The following MEF2A variants were observed in gnomAD, a reference collection of about 807,000 sequenced individuals.
The protein encoded by MEF2A is myocyte-specific enhancer factor 2A.
A neutral mutation model predicts 55.8 loss-of-function variants in MEF2A; 28 were observed. The observed-to-expected ratio is 0.50, with a 90% confidence interval of 0.37 to 0.69. MEF2A has a LOEUF of 0.69. Ranked by LOEUF, MEF2A falls within the 30% of genes least tolerant of loss-of-function variation. The pLI is 0.00. For synonymous variants in MEF2A, 239 were observed against 227.1 expected, an observed-to-expected ratio of 1.05 and a Z score of -0.47; for missense variants, 528 against 626.2, an observed-to-expected ratio of 0.84 and a Z score of 1.67.
intron 3 of MEF2A, among the ~76,000 whole-genome samples, chr15:99,641,386 C>T (rs1212444274): frequency 2.0e-5 from 3 of 151,992 alleles, no homozygotes; most frequent in African/African-American, 7.3e-5. Context: ...TTCCAGGCAG[C>T]GGAGGTGAGA....
At chr15:99,619,329 C>T (rs1164446051) in intron 2 of MEF2A, among the ~76,000 whole-genome samples, 1 of 152,176 alleles carries the variant, frequency 6.6e-6, no homozygotes, top group Non-Finnish European at 1.5e-5. Context: ...ATGAAGGCAG[C>T]AGAATACAGC....
chr15:99,579,470 G>A (rs1318470462), intron 1 of MEF2A, among the ~76,000 whole-genome samples: 1 of 151,900 alleles, frequency 6.6e-6, no homozygotes, highest in East Asian at 1.9e-4. Context: ...TCTCAGCTCA[G>A]TGCAACCTCT....
chr15:99,664,659 A>G (rs939920331), intron 4 of MEF2A, among the ~76,000 whole-genome samples: 1 of 152,214 alleles, frequency 6.6e-6, no homozygotes, highest in Admixed American at 6.5e-5. Flanking sequence ...TTGGTATTCC[A>G]TGTGAATGTA....
At chr15:99,637,182 C>T (rs1244338396) in intron 3 of MEF2A, among the ~76,000 whole-genome samples, 2 of 150,500 alleles carry the variant, frequency 1.3e-5, no homozygotes, top group Non-Finnish European at 2.9e-5. Flanking sequence ...CCAAATGAAA[C>T]CAAGTGTCAT....
At chr15:99,654,479 AC>A (rs2047357274) in intron 4 of MEF2A, among the ~76,000 whole-genome samples, 1 of 151,826 alleles carries the variant, frequency 6.6e-6, no homozygotes, top group Non-Finnish European at 1.5e-5. Context: ...GCAACAGAAG[AC>A]CTCACTGAAA....
At chr15:99,707,287 C>A (rs928921301) in intron 10 of MEF2A, among the ~76,000 whole-genome samples, 3 of 152,102 alleles carry the variant, frequency 2.0e-5, no homozygotes, top group African/African-American at 7.2e-5. Flanking sequence ...TCCCTTTGGA[C>A]CTGAGACTTC....
intron 3 of MEF2A, among the ~76,000 whole-genome samples, chr15:99,635,487 A>C (rs142528135): frequency 1.3e-5 from 2 of 152,300 alleles, no homozygotes; most frequent in East Asian, 3.9e-4. Flanking sequence ...ATTAAGAAAA[A>C]TTCAGAAATC....
rs548272042 is a variant in MEF2A, at chr15:99,585,452, T to A, written c.-224-12978T>A. Among the ~76,000 whole-genome samples the A allele has an allele frequency of 9.2e-5, 14 of 152,354 alleles. No individual in the cohort carries two copies. In the East Asian group the frequency reaches 2.5e-3, roughly 27 times the overall value. On this transcript the variant is annotated intron_variant, in intron 1 of 11. Coordinates refer to ENST00000557942, the MANE Select transcript of MEF2A (RefSeq NM_001319206.4). Reference sequence around the variant, plus strand: ...ATCTATTTATATGTTTTGAAATAAATCTGTTCTTTTAAGACCTTATTAGTT... The same window carrying A: ...ATCTATTTATATGTTTTGAAATAAAACTGTTCTTTTAAGACCTTATTAGTT...
chr15:99,610,798 T>C (rs957882389), intron 2 of MEF2A, among the ~76,000 whole-genome samples: 3 of 152,236 alleles, frequency 2.0e-5, no homozygotes, highest in African/African-American at 7.2e-5. Flanking sequence ...GTACTTAATG[T>C]AAGAGCTAAA....
rs146967062 is a variant in MEF2A, at chr15:99,674,214, C to CAT, written c.391-176_391-175dup. Among the ~76,000 whole-genome samples, 1,490 of 152,262 alleles carry CAT rather than the reference C, an allele frequency of 9.8e-3. 22 individuals are homozygous for CAT. The highest frequency in any genetic ancestry group is 0.032 in the African/African-American group (1,346 of 41,548). ...TGAAATTGAAAAGGCTCATGTCAGT[C>CAT]ATATTCATGTTCAAACATAATTCTA... is the stretch of plus-strand genomic sequence containing the variant. On this transcript the variant is annotated intron_variant, in intron 5 of 11. Coordinates refer to ENST00000557942, the MANE Select transcript of MEF2A (RefSeq NM_001319206.4).
chr15:99,605,341 A>G (rs1413112005), intron 2 of MEF2A, among the ~76,000 whole-genome samples: 1 of 152,210 alleles, frequency 6.6e-6, no homozygotes, highest in Admixed American at 6.5e-5. Context: ...ACCAACTTTA[A>G]TTCCATCTGC....
chr15:99,614,128 T>A (rs1453506385), intron 2 of MEF2A, among the ~76,000 whole-genome samples: 2 of 152,232 alleles, frequency 1.3e-5, no homozygotes, highest in Non-Finnish European at 2.9e-5. Context: ...ACAGATGCCA[T>A]CTACCTCACA....
At chr15:99,692,212 T>A (rs2153726235) in intron 8 of MEF2A, among the ~76,000 whole-genome samples, 1 of 152,348 alleles carries the variant, frequency 6.6e-6, no homozygotes, top group South Asian at 2.1e-4. Context: ...TTAGCCTGTG[T>A]CATTGCAAGG....
rs966128333 is a variant in MEF2A, at chr15:99,632,996, G to A, written c.-124G>A. The A allele has an allele frequency of 4.4e-6, 3 of 686,116 alleles. No homozygotes were observed. Among genetic ancestry groups the A allele is most frequent in the African/African-American group, 3.8e-5 (2 of 52,842 alleles). The allele number at this position is 686,116 out of a possible 1,614,324, so 42.5% of individuals were successfully genotyped here. Reference sequence around the variant, plus strand: ...CTTTTAGATCTTGTAGAAAATTTCAGCTGTAGCCCTTGGACTAGAAGCTGA... The same window carrying A: ...CTTTTAGATCTTGTAGAAAATTTCAACTGTAGCCCTTGGACTAGAAGCTGA... On this transcript the variant is annotated 5_prime_UTR_variant, in exon 3 of 12. Coordinates refer to ENST00000557942, the MANE Select transcript of MEF2A (RefSeq NM_001319206.4).
intron 7 of MEF2A, among the ~76,000 whole-genome samples, chr15:99,680,407 T>C (rs569156082): frequency 3.3e-5 from 5 of 152,332 alleles, no homozygotes; most frequent in African/African-American, 7.2e-5. Flanking sequence ...TATTGTGATA[T>C]TCAGTGCTAA....
intron 1 of MEF2A, among the ~76,000 whole-genome samples, chr15:99,573,380 G>A (rs1387573994): frequency 2.0e-5 from 3 of 151,400 alleles, no homozygotes; most frequent in Admixed American, 2.0e-4. Flanking sequence ...AAATCATAAA[G>A]GTACTTTCCA....
chr15:99,700,187 T>TACACACACACAC (rs1234666173), intron 8 of MEF2A, among the ~76,000 whole-genome samples: 7 of 112,380 alleles, frequency 6.2e-5, no homozygotes, highest in African/African-American at 1.9e-4. Flanking sequence ...TGTGTATATA[T>TACACACACACAC]ACACACACAC....
chr15:99,634,297 C>T (rs1021409705), intron 3 of MEF2A, among the ~76,000 whole-genome samples: 3 of 152,110 alleles, frequency 2.0e-5, no homozygotes, highest in African/African-American at 4.8e-5. Flanking sequence ...GGTTTCAACT[C>T]ATGAAGATTG....
intron 1 of MEF2A, among the ~76,000 whole-genome samples, chr15:99,570,822 A>C (rs1961898659): frequency 6.6e-6 from 1 of 151,124 alleles, no homozygotes; most frequent in Admixed American, 6.6e-5. Flanking sequence ...AAAAAAAAAA[A>C]CAACTTTTGA....
Sources: gnomAD v4.1 joint callset for allele counts (sites outside exome capture counted in the v4.1 genomes callset) on GRCh38, gnomAD v4.1.1 for gene constraint, MANE v1.5 for transcripts, NCBI Gene and HGNC (gene_info 2026-07-23, HGNC 2026-07-21) for gene names.